BRCA2: variants seen among roughly 807,000 people sequenced by gnomAD.
BRCA2 encodes the protein BRCA2 DNA repair associated.
BRCA2 carries 203 observed loss-of-function variants against 276.7 expected under a neutral mutation model. The ratio of observed to expected loss-of-function variants is 0.73; its 90% CI spans 0.65 to 0.82. The LOEUF is 0.82. Ranked by LOEUF, BRCA2 falls within the 40% of genes least tolerant of loss-of-function variation. BRCA2 has a pLI of 0.00. For synonymous variants in BRCA2, 1,289 were observed against 1,338.4 expected, an observed-to-expected ratio of 0.96 and a Z score of 0.81; for missense variants, 3,920 against 3,915.0, an observed-to-expected ratio of 1.00 and a Z score of -0.03.
chr13:32,389,556 T>G (rs1206244660), intron 24 of BRCA2, among the ~76,000 whole-genome samples: 1 of 152,242 alleles, frequency 6.6e-6, no homozygotes, highest in Non-Finnish European at 1.5e-5. Flanking sequence ...ATATAGAATT[T>G]GTAGTTGATA....
At chr13:32,345,601 C>G (rs938758811) in intron 12 of BRCA2, among the ~76,000 whole-genome samples, 1 of 151,978 alleles carries the variant, frequency 6.6e-6, no homozygotes. Flanking sequence ...GTATCCCTAT[C>G]TGAAATGCTT....
chr13:32,350,978 G>A (rs1380019539), intron 13 of BRCA2, among the ~76,000 whole-genome samples: 2 of 151,958 alleles, frequency 1.3e-5, no homozygotes, highest in African/African-American at 4.8e-5. Context: ...GTTTGTAAAC[G>A]CACCGGTCAG....
In BRCA2 at chr13:32,397,030, G is replaced by C. The variant is rs55775473; in HGVS notation, c.9634G>C (p.Gly3212Arg). Reference protein sequence around the residue: ...PYTAQIIPGTGNKLLMSSPNC... With the variant: ...PYTAQIIPGTRNKLLMSSPNC... ...CACTGCTCAAATCATTCCTGGTACA[G>C]GAAACAAGCTTCTGGTAAGTTAATG... The change falls in exon 26 of 27, where the codon GGA becomes CGA. Residue 3212 changes from glycine to arginine, a missense_variant. Transcript: ENST00000380152. 2.3e-4 allele frequency: 373 copies of C among 1,614,010 alleles called. No individual in the cohort carries two copies. The African/African-American group carries it at 4.6e-3, about 20-fold the overall frequency.
intron 18 of BRCA2, among the ~76,000 whole-genome samples, chr13:32,369,909 A>G (rs924088361): frequency 5.9e-5 from 9 of 152,198 alleles, no homozygotes; most frequent in Admixed American, 2.6e-4. Flanking sequence ...AGCGCTTAAC[A>G]CCATGCCAGG....
At position 32,340,650 on chromosome 13, in the gene BRCA2, A is replaced by G. The variant is rs398122551; in HGVS notation, c.6295A>G (p.Arg2099Gly). ...EHSLHYSPTS[R>G]QNVSKILPRV... ...TAGTCTTCACTATTCACCTACGTCT[A>G]GACAAAATGTATCAAAAATACTTCC... Residue 2099 changes from arginine (R) to glycine (G), a missense_variant, in exon 11 of 27, where the codon AGA becomes GGA. Arg to Gly is a moderately radical substitution (Grantham distance 125, BLOSUM62 -2). This residue lies in a region of BRCA2 where 3,263 missense variants were observed against 3,156.9 expected (regional missense o/e 1.03). Transcript: ENST00000380152. 3.7e-6 allele frequency: 6 copies of G among 1,607,320 alleles called. No homozygotes were observed. In the African/African-American group the frequency reaches 5.4e-5, roughly 14 times the overall value.
At chr13:32,325,548 GT>G (rs61508122) in intron 4 of BRCA2, among the ~76,000 whole-genome samples, 295 of 135,970 alleles carry the variant, frequency 2.2e-3, no homozygotes, top group African/African-American at 6.4e-3. Flanking sequence ...TTTTTTTTTT[GT>G]TTTTTTTTTT....
At chr13:32,379,252 A>C (rs1001404909) in intron 21 of BRCA2, 65 bp from the exon 22 acceptor site, 30 of 1,520,490 alleles carry the variant, frequency 2.0e-5, no homozygotes, top group Non-Finnish European at 2.7e-5. Flanking sequence ...AAAGCCATCT[A>C]GTTACAATAG....
rs721185 is a variant in BRCA2, at chr13:32,352,807, A to G, written c.7008-2054A>G. Among the ~76,000 whole-genome samples the G allele has an allele frequency of 0.046, 7,077 of 152,298 alleles. 241 individuals are homozygous for G. Among genetic ancestry groups the G allele is most frequent in the South Asian group, 0.11 (550 of 4,822 alleles). On this transcript the variant is annotated intron_variant, in intron 13 of 26. Coordinates refer to ENST00000380152, the MANE Select transcript of BRCA2 (RefSeq NM_000059.4). ...AAAACTGTTGCAAGGAGATTAGTAA[A>G]TACAGGTCTTAACCTAGCAGAGGAG...
chr13:32,317,409 T>C (rs1031144649), intron 2 of BRCA2, among the ~76,000 whole-genome samples: 1 of 152,234 alleles, frequency 6.6e-6, no homozygotes, highest in African/African-American at 2.4e-5. Context: ...TAATCTGTTA[T>C]TTTGGTAGAA....
At chr13:32,323,884 G>T (rs2072324326) in intron 3 of BRCA2, among the ~76,000 whole-genome samples, 1 of 152,148 alleles carries the variant, frequency 6.6e-6, no homozygotes, top group East Asian at 1.9e-4. Context: ...ACAGAAAATA[G>T]AAATATTGAA....
chr13:32,386,830 G>A (rs937222944), intron 24 of BRCA2, among the ~76,000 whole-genome samples: 2 of 152,120 alleles, frequency 1.3e-5, no homozygotes, highest in Non-Finnish European at 1.5e-5. Flanking sequence ...GAGTAACGCC[G>A]TGTATTTATT....
intron 10 of BRCA2, among the ~76,000 whole-genome samples, chr13:32,333,783 C>T (rs2072428851): frequency 6.6e-6 from 1 of 152,154 alleles, no homozygotes; most frequent in Non-Finnish European, 1.5e-5. Flanking sequence ...ACCCCCACCT[C>T]CTGACAGACC....
rs398122773 is a variant in BRCA2 at position 32,338,304 on chromosome 13, A to T, written c.3949A>T (p.Thr1317Ser). 2 of 1,583,062 alleles carry T rather than the reference A, an allele frequency of 1.3e-6. No individual in the cohort carries two copies. Among genetic ancestry groups the T allele is most frequent in the Non-Finnish European group, 1.7e-6 (2 of 1,167,138 alleles). ...EEITENYKRNTENEDNKYTAA... is the reference protein window; with the variant it reads ...EEITENYKRNSENEDNKYTAA... ...AATTACTGAAAATTACAAGAGAAAT[A>T]CTGAAAATGAAGATAACAAATATAC... The change falls in exon 11 of 27, where the codon ACT becomes TCT. Residue 1317 changes from threonine (T) to serine (S), a missense_variant. Thr to Ser is a moderately conservative substitution (Grantham distance 58). Coordinates refer to ENST00000380152, the MANE Select transcript of BRCA2 (RefSeq NM_000059.4).
intron 15 of BRCA2, 144 bp downstream of exon 15, chr13:32,356,753 G>A: frequency 4.7e-6 from 5 of 1,070,356 alleles, no homozygotes; most frequent in Non-Finnish European, 6.9e-6. Flanking sequence ...TTTCTAATTA[G>A]CCTGCAGTGG....
intron 3 of BRCA2, among the ~76,000 whole-genome samples, chr13:32,320,504 C>T (rs1241872375): frequency 6.6e-6 from 1 of 152,200 alleles, no homozygotes; most frequent in Non-Finnish European, 1.5e-5. Context: ...CTACCCACAA[C>T]CTACTTTTTC....
Position 32,341,167 on chromosome 13 carries a change from A to G in BRCA2, c.6812A>G (p.Lys2271Arg), listed in dbSNP as rs577406621. 6.2e-7 allele frequency: 1 copy of G among 1,613,960 alleles called. No homozygotes were observed. Among genetic ancestry groups the G allele is most frequent in the Non-Finnish European group, 8.5e-7 (1 of 1,179,910 alleles). The part of the protein sequence containing the change: ...EMVLSNSRIG[K>R]RRGEPLILVG... ...GTTTTGTCAAATTCAAGAATTGGAA[A>G]AAGAAGAGGAGAGCCCCTTATCTTA... Residue 2271 changes from lysine (K) to arginine (R), a missense_variant, in exon 11 of 27, where the codon AAA becomes AGA. Physicochemically the swap from Lys to Arg is conservative, Grantham distance 26 (BLOSUM62 2). Coordinates refer to ENST00000380152, the MANE Select transcript of BRCA2 (RefSeq NM_000059.4).
intron 24 of BRCA2, among the ~76,000 whole-genome samples, chr13:32,383,143 G>A (rs1593194905): frequency 1.0e-5 from 1 of 96,398 alleles, no homozygotes; most frequent in African/African-American, 3.7e-5. Flanking sequence ...GGTGGATCAC[G>A]AGGTCAGGAG....
rs187405527 is a variant in BRCA2, at chr13:32,393,659, A to C, written c.9257-1030A>C. Among the ~76,000 whole-genome samples the C allele has an allele frequency of 3.9e-5, 6 of 152,056 alleles. No homozygotes were observed. The East Asian group carries it at 1.2e-3, about 29-fold the overall frequency. ...CTTGGCTTCTTTTTTTTAGTAGAAA[A>C]TGGTGTTTAGATCCAAGATCTGGTT... On this transcript the variant is annotated intron_variant, in intron 24 of 26. Coordinates refer to ENST00000380152, the MANE Select transcript of BRCA2 (RefSeq NM_000059.4).
Position 32,324,252 on chromosome 13 carries a change from G to A in BRCA2, c.317-824G>A, listed in dbSNP as rs187040273. ...TAGGGATCACTACAGTTTTCTGGAG[G>A]AGGTAGTTTCTAAATGGAAGCCTGA... On this transcript the variant is annotated intron_variant, in intron 3 of 26. Coordinates refer to ENST00000380152, the MANE Select transcript of BRCA2 (RefSeq NM_000059.4). 4.6e-5 allele frequency among the ~76,000 whole-genome samples: 7 copies of A among 152,272 alleles called. No homozygotes were observed. In the South Asian group the frequency reaches 8.3e-4, roughly 18 times the overall value.
Sources: allele counts gnomAD v4.1 joint callset (sites outside exome capture counted in the v4.1 genomes callset), GRCh38; gene constraint gnomAD v4.1.1; regional missense constraint gnomAD v4.1.1; transcripts MANE v1.5; gene names NCBI Gene and HGNC (gene_info 2026-07-23, HGNC 2026-07-21).